MTCL1: variants seen among roughly 807,000 people sequenced by gnomAD.
MTCL1 encodes the protein microtubule crosslinking factor 1.
In MTCL1, 79 loss-of-function variants were observed where a neutral mutation model predicts 141.4. The observed-to-expected ratio is 0.56, with a 90% CI of 0.47 to 0.67. MTCL1 has a LOEUF of 0.67. MTCL1 is among the 30% of genes least tolerant of loss of function. MTCL1 has a pLI of 0.00. For missense variants in MTCL1, 2,177 were observed against 2,113.9 expected, an observed-to-expected ratio of 1.03 and a Z score of -0.59; for synonymous variants, 914 against 875.8, an observed-to-expected ratio of 1.04 and a Z score of -0.77.
At chr18:8,752,004 C>G (rs760042129) in intron 4 of MTCL1, among the ~76,000 whole-genome samples, 1 of 152,110 alleles carries the variant, frequency 6.6e-6, no homozygotes, top group Non-Finnish European at 1.5e-5. Context: ...TGTGTTCTGT[C>G]AAAAGAAGGC....
At chr18:8,781,179 C>CAAAAAAA (rs56370900) in intron 5 of MTCL1, among the ~76,000 whole-genome samples, 2 of 67,386 alleles carry the variant, frequency 3.0e-5, no homozygotes, top group Non-Finnish European at 2.7e-5. Flanking sequence ...GACTCCATCT[C>CAAAAAAA]AAAAAAAAAA....
intron 10 of MTCL1, among the ~76,000 whole-genome samples, chr18:8,799,687 C>G (rs1319797861): frequency 6.6e-6 from 1 of 152,216 alleles, no homozygotes; most frequent in Non-Finnish European, 1.5e-5. Flanking sequence ...GGCCACTGTT[C>G]CCACCTCGCC....
At chr18:8,763,387 C>A (rs561247345) in intron 4 of MTCL1, among the ~76,000 whole-genome samples, 2 of 152,236 alleles carry the variant, frequency 1.3e-5, no homozygotes, top group South Asian at 4.1e-4. Context: ...AGAACAGAAT[C>A]TAAGTCTCTC....
At chr18:8,749,903 A>G (rs1422645499) in intron 4 of MTCL1, among the ~76,000 whole-genome samples, 2 of 152,242 alleles carry the variant, frequency 1.3e-5, no homozygotes, top group African/African-American at 4.8e-5. Context: ...CAGTAAAATA[A>G]AGCTTTGCTC....
chr18:8,815,649 A>G (rs954053796), intron 12 of MTCL1, among the ~76,000 whole-genome samples: 13 of 151,596 alleles, frequency 8.6e-5, no homozygotes, highest in African/African-American at 2.9e-4. Flanking sequence ...TTAACATTAA[A>G]AAAAAAAAAA....
chr18:8,821,738 T>G (rs2076853135), intron 14 of MTCL1, among the ~76,000 whole-genome samples: 1 of 152,180 alleles, frequency 6.6e-6, no homozygotes, highest in African/African-American at 2.4e-5. Flanking sequence ...ACTTTCCAGT[T>G]GTTGTTGTGT....
rs1174803026 is a variant in MTCL1, at chr18:8,828,869, T to G, written c.4723-39T>G. ...CCTGTTTAAAAAACACTTTCCAACC[T>G]TCTTGCTTTTCTTTTCTTTCTCTGT... On this transcript the variant is annotated intron_variant, in intron 15 of 16. Transcript: ENST00000359865. This position sits in a 1 kb window ranked among gnomAD's most constrained non-coding sequence, Gnocchi z 5.2. The G allele has an allele frequency of 1.2e-6, 2 of 1,613,694 alleles. No individual in the cohort carries two copies. Among genetic ancestry groups the G allele is most frequent in the East Asian group, 4.5e-5 (2 of 44,890 alleles).
At chr18:8,814,343 C>T (rs1270341770) in intron 12 of MTCL1, among the ~76,000 whole-genome samples, 1 of 151,944 alleles carries the variant, frequency 6.6e-6, no homozygotes, top group Non-Finnish European at 1.5e-5. Context: ...ACCCCGTCTC[C>T]AAAAAACAAA....
intron 16 of MTCL1, chr18:8,829,963 T>C: frequency 1.0e-6 from 1 of 985,366 alleles, no homozygotes; most frequent in Non-Finnish European, 1.2e-6. Flanking sequence ...AAAAGCCTGC[T>C]CTTCAGCACC....
rs189749005 is a variant in MTCL1 at position 8,761,565 on chromosome 18, A to G, written c.358-16268A>G. On this transcript the variant is annotated intron_variant, in intron 4 of 16. Coordinates refer to ENST00000359865, the Ensembl canonical transcript of MTCL1. ...CTCTATGAATTTGTCTATTCTGGGTATCTCATATGTATTAGTCCATTTTTG... is the reference window on the plus strand; with the variant it reads ...CTCTATGAATTTGTCTATTCTGGGTGTCTCATATGTATTAGTCCATTTTTG... Among the ~76,000 whole-genome samples, 66 of 152,312 alleles carry G rather than the reference A, an allele frequency of 4.3e-4. 1 individual carries two copies. In the East Asian group the frequency reaches 0.012, roughly 27 times the overall value.
At chr18:8,797,114 T>A (rs2075953421) in intron 9 of MTCL1, among the ~76,000 whole-genome samples, 1 of 152,212 alleles carries the variant, frequency 6.6e-6, no homozygotes, top group South Asian at 2.1e-4. Flanking sequence ...CGCTCCCGTC[T>A]CCTTTGCTGC....
chr18:8,708,264 AT>A (rs978746176), intron 1 of MTCL1, among the ~76,000 whole-genome samples: 3 of 151,956 alleles, frequency 2.0e-5, no homozygotes, highest in Non-Finnish European at 2.9e-5. Flanking sequence ...GGAAAACTGT[AT>A]TTCTTTAAAG....
intron 4 of MTCL1, among the ~76,000 whole-genome samples, chr18:8,768,684 T>C (rs941365633): frequency 1.3e-5 from 2 of 152,218 alleles, no homozygotes; most frequent in Non-Finnish European, 2.9e-5. Context: ...TCTAACTCTC[T>C]TGCTTTATTT....
exon 1 of MTCL1, chr18:8,706,542 G>T: frequency 7.2e-7 from 1 of 1,379,492 alleles, no homozygotes; most frequent in Non-Finnish European, 9.4e-7. Context: ...GGGGTTTCGC[G>T]GGGCCCGGCG....
At chr18:8,800,477 G>C (rs545285794) in intron 10 of MTCL1, 1 of 152,220 alleles carries the variant, frequency 6.6e-6, no homozygotes, top group African/African-American at 2.4e-5. Context: ...CCTTGGGATG[G>C]CTCATAACAA....
chr18:8,792,204 T>C (rs2075753673), intron 7 of MTCL1, among the ~76,000 whole-genome samples: 1 of 152,268 alleles, frequency 6.6e-6, no homozygotes, highest in Non-Finnish European at 1.5e-5. Context: ...TAAAATGTCA[T>C]GCTTACATTT....
intron 4 of MTCL1, among the ~76,000 whole-genome samples, chr18:8,758,164 C>T (rs2096412126): frequency 1.3e-5 from 2 of 152,168 alleles, no homozygotes; most frequent in East Asian, 1.9e-4. Flanking sequence ...GCTGGGATTA[C>T]AGGCATGCAC....
chr18:8,710,737 G>C (rs2148759465), intron 1 of MTCL1, among the ~76,000 whole-genome samples: 1 of 151,402 alleles, frequency 6.6e-6, no homozygotes, highest in African/African-American at 2.4e-5. Flanking sequence ...CAATAAATGG[G>C]GGCAGGGAGT....
chr18:8,756,990 A>G (rs2096405283), intron 4 of MTCL1, among the ~76,000 whole-genome samples: 1 of 152,230 alleles, frequency 6.6e-6, no homozygotes, highest in Non-Finnish European at 1.5e-5. Flanking sequence ...GGGGAGCAGC[A>G]TTAGCACCGT....
Sources: gnomAD v4.1 joint callset for allele counts (sites outside exome capture counted in the v4.1 genomes callset) on GRCh38, gnomAD v4.1.1 for gene constraint, Gnocchi (gnomAD v3.1) non-coding constraint, MANE v1.5 for transcripts, NCBI Gene and HGNC (gene_info 2026-07-23, HGNC 2026-07-21) for gene names.